Variants in TNN observed in about 807,000 individuals in gnomAD.
The protein encoded by TNN is tenascin N.
Under a neutral mutation model 134.4 loss-of-function variants are expected in TNN, and 122 were observed. The observed-to-expected ratio is 0.91, with a 90% CI of 0.78 to 1.06. The LOEUF (loss-of-function observed/expected upper bound fraction) is 1.06, where lower values mean the gene tolerates loss of function less well. Among genes scored for constraint, TNN ranks in the 50% least tolerant of loss-of-function variants. The pLI is 0.00. For synonymous variants in TNN, 710 were observed against 670.3 expected (o/e 1.06, Z -0.91); for missense variants, 1,739 against 1,699.4 (o/e 1.02, Z -0.41).
At position 175,102,542 on chromosome 1, in the gene TNN, G is replaced by A. The variant is rs868704158; in HGVS notation, c.2119+3947G>A. 2.7e-5 allele frequency among the ~76,000 whole-genome samples: 4 copies of A among 146,080 alleles called. 1 individual carries two copies. The highest frequency in any genetic ancestry group is 3.6e-3 in the Middle Eastern group (1 of 280). On this transcript the variant is annotated intron_variant, in intron 9 of 18. Transcript: ENST00000239462. ...GTACACCCTCCGCAGCTGCTGGCCCGGGTGCTAAGCCCCTCACTGCCCGGG... is the reference window on the plus strand; with the variant it reads ...GTACACCCTCCGCAGCTGCTGGCCCAGGTGCTAAGCCCCTCACTGCCCGGG...
chr1:175,128,180 G>A lies in TNN; in HGVS notation c.3178+16G>A. 6.3e-7 allele frequency: 1 copy of A among 1,580,058 alleles called. No individual in the cohort carries two copies. Among genetic ancestry groups the A allele is most frequent in the Non-Finnish European group, 8.6e-7 (1 of 1,163,810 alleles). On this transcript the variant is annotated intron_variant, in intron 14 of 18. Transcript: ENST00000239462. ...CTCTCCACAGGTAATATGGAATCCT[G>A]TACTCTGAACGACCGTGCAATGAGA...
chr1:175,083,787 G>C lies in TNN; in HGVS notation c.1086G>C (p.Glu362Asp), dbSNP rs1674255635. 6.2e-7 allele frequency: 1 copy of C among 1,614,182 alleles called. No homozygotes were observed. The highest frequency in any genetic ancestry group is 8.5e-7 in the Non-Finnish European group (1 of 1,180,044). Reference protein sequence around the residue: ...AVLGTAWVTDETENSLDVEWE... With the variant: ...AVLGTAWVTDDTENSLDVEWE... The stretch of plus-strand genomic sequence containing the variant: ...TTGGCACTGCCTGGGTGACAGATGA[G>C]ACTGAGAACTCCCTTGACGTGGAGT... Residue 362 changes from glutamate to aspartate, a missense_variant, in exon 5 of 19, where the codon GAG becomes GAC. By Grantham distance (45) the Glu-to-Asp change is conservative. Transcript: ENST00000239462.
chr1:175,077,799 T>C lies in TNN; in HGVS notation c.381T>C (p.Ser127=). 1 of 1,612,328 alleles carries C rather than the reference T, an allele frequency of 6.2e-7. No individual in the cohort carries two copies. Among genetic ancestry groups the C allele is most frequent in the Non-Finnish European group, 8.5e-7 (1 of 1,178,444 alleles). ...TGGTGGAGATGAAGGAACAGTGTAG[T>C]GCCCAGCGCTGCTGCCAGGGAGTCA... The part of the protein sequence containing the change: ...EEMVEMKEQC[S]AQRCCQGVTD... Residue 127 remains serine (S), a synonymous_variant, in exon 2 of 19, where the codon AGT becomes AGC. Transcript: ENST00000239462.
intron 15 of TNN, among the ~76,000 whole-genome samples, chr1:175,133,579 C>T (rs1675726389): frequency 6.6e-6 from 1 of 152,208 alleles, no homozygotes; most frequent in African/African-American, 2.4e-5. Context: ...CCCCTTCTCT[C>T]TCCTTAATGG....
intron 7 of TNN, among the ~76,000 whole-genome samples, chr1:175,095,270 G>T (rs554918177): frequency 6.6e-6 from 1 of 152,310 alleles, no homozygotes; most frequent in African/African-American, 2.4e-5. Context: ...TAAAGTCAAA[G>T]TCAGCAAATT....
intron 15 of TNN, among the ~76,000 whole-genome samples, chr1:175,134,418 G>T (rs887426405): frequency 4.6e-5 from 7 of 151,992 alleles, no homozygotes; most frequent in Non-Finnish European, 1.0e-4. Flanking sequence ...GGTGGTGTGT[G>T]CCTGTAATCC....
chr1:175,118,108 G>A (rs1271823342), intron 10 of TNN, among the ~76,000 whole-genome samples: 1 of 152,148 alleles, frequency 6.6e-6, no homozygotes. Context: ...CTTCCTCCAG[G>A]GGCTTACATT....
chr1:175,094,290 T>C (rs761478615), intron 7 of TNN, 37 bp downstream of exon 7: 4 of 1,491,698 alleles, frequency 2.7e-6, no homozygotes, highest in Non-Finnish European at 2.7e-6. Flanking sequence ...GGTTTCCTCA[T>C]GGCAGGGAGA....
rs753816847 is a variant in TNN at position 175,080,252 on chromosome 1, C to T, written c.874C>T (p.Leu292Phe). ...WEPSSQVDHY[L>F]LSYYPLGKEL... ...GCCCTCCAGCCAGGTGGATCACTAC[C>T]TCCTCAGCTACTACCCCCTGGGGAA... Residue 292 changes from leucine (L) to phenylalanine (F), a missense_variant, in exon 4 of 19, where the codon CTC becomes TTC. Coordinates refer to ENST00000239462, the MANE Select transcript of TNN (RefSeq NM_022093.2). 6.2e-6 allele frequency: 10 copies of T among 1,614,154 alleles called. No homozygotes were observed. In the South Asian group the frequency reaches 9.9e-5, roughly 16 times the overall value.
At position 175,118,710 on chromosome 1, in the gene TNN, G is replaced by A. The variant is rs146688442; in HGVS notation, c.2536G>A (p.Glu846Lys). Residue 846 changes from glutamate to lysine, a missense_variant, in exon 11 of 19, where the codon GAG becomes AAG. Physicochemically the swap from Glu to Lys is moderately conservative, Grantham distance 56. Coordinates refer to ENST00000239462, the MANE Select transcript of TNN (RefSeq NM_022093.2). ...GETREVPVGK[E>K]QSSTVLTGLR... ...GACCAGGGAGGTTCCAGTGGGGAAGGAGCAGAGCAGCACTGTCCTGACGGG... is the reference window on the plus strand; with the variant it reads ...GACCAGGGAGGTTCCAGTGGGGAAGAAGCAGAGCAGCACTGTCCTGACGGG... The A allele has an allele frequency of 2.0e-4, 320 of 1,614,244 alleles. 1 individual carries two copies. In the African/African-American group the frequency reaches 4.0e-3, roughly 20 times the overall value.
chr1:175,094,941 A>T (rs1674537276), intron 7 of TNN, among the ~76,000 whole-genome samples: 1 of 152,178 alleles, frequency 6.6e-6, no homozygotes, highest in South Asian at 2.1e-4. Flanking sequence ...TCTATTCTGG[A>T]CAGTTACTGA....
At chr1:175,112,790 T>C in intron 9 of TNN, among the ~76,000 whole-genome samples, 1 of 151,596 alleles carries the variant, frequency 6.6e-6, no homozygotes, top group East Asian at 1.9e-4. Context: ...GCTAATTTTT[T>C]TTTGTATTTT....
chr1:175,096,740 A>G (rs1286201742), intron 7 of TNN, among the ~76,000 whole-genome samples: 1 of 152,214 alleles, frequency 6.6e-6, no homozygotes, highest in East Asian at 1.9e-4. Flanking sequence ...ACCATAACCT[A>G]TGAGGTAGGT....
chr1:175,120,515 T>G (rs1483319539), intron 11 of TNN, among the ~76,000 whole-genome samples: 1 of 152,218 alleles, frequency 6.6e-6, no homozygotes, highest in Non-Finnish European at 1.5e-5. Context: ...TCTTCTGTGA[T>G]TGTTGCTTAG....
At chr1:175,084,968 A>G (rs2149428925) in intron 5 of TNN, among the ~76,000 whole-genome samples, 1 of 152,326 alleles carries the variant, frequency 6.6e-6, no homozygotes, top group East Asian at 1.9e-4. Flanking sequence ...CTCTAGCCTG[A>G]GTGACACAGT....
chr1:175,100,151 G>A (rs1327086192), intron 9 of TNN, among the ~76,000 whole-genome samples: 5 of 152,304 alleles, frequency 3.3e-5, no homozygotes, highest in Admixed American at 6.5e-5. Flanking sequence ...ACACCAGCCC[G>A]TATGATTCCC....
chr1:175,100,302 A>T (rs939951619), intron 9 of TNN, among the ~76,000 whole-genome samples: 1 of 152,126 alleles, frequency 6.6e-6, no homozygotes, highest in African/African-American at 2.4e-5. Flanking sequence ...AGTTGTGACA[A>T]CCAAAAGTGT....
rs1474836555 is a variant in TNN, at chr1:175,077,664, G to A, written c.246G>A (p.Gln82=). The change falls in exon 2 of 19, where the codon CAG becomes CAA. Residue 82 remains glutamine (Q), a synonymous_variant. Transcript: ENST00000239462. ...CCCTGGGGGAGGCCAGGGAGGAACA[G>A]AACATCATCTTCAGGCACAACATCC... ...LLALGEAREE[Q]NIIFRHNIRL... 4.3e-6 allele frequency: 7 copies of A among 1,614,120 alleles called. No individual in the cohort carries two copies. The highest frequency in any genetic ancestry group is 5.9e-6 in the Non-Finnish European group (7 of 1,180,056).
At chr1:175,139,306 G>A (rs999821454) in intron 17 of TNN, among the ~76,000 whole-genome samples, 33 of 152,010 alleles carry the variant, frequency 2.2e-4, no homozygotes, top group African/African-American at 7.5e-4. Flanking sequence ...TAAGCACATT[G>A]TGCAGCTGTA....
Sources: gnomAD v4.1 joint callset for allele counts (sites outside exome capture counted in the v4.1 genomes callset) on GRCh38, gnomAD v4.1.1 for gene constraint, MANE v1.5 for transcripts, NCBI Gene and HGNC (gene_info 2026-07-23, HGNC 2026-07-21) for gene names.